The following LIPF variants were observed in gnomAD, a reference collection of about 807,000 sequenced individuals.
LIPF encodes lipase F, gastric type.
Under a neutral mutation model 38.0 loss-of-function variants are expected in LIPF, and 25 were observed. That is an observed-to-expected ratio of 0.66 (90% CI 0.48 to 0.92). The LOEUF is 0.92. Ranked by LOEUF, LIPF falls within the 40% of genes least tolerant of loss-of-function variation. The probability of loss-of-function intolerance (pLI) is 0.00; values close to 1 mark genes in which losing one functional copy is unlikely to be tolerated. For synonymous variants in LIPF, 161 were observed against 156.2 expected (o/e 1.03, Z -0.23); for missense variants, 410 against 469.9 (o/e 0.87, Z 1.18).
At chr10:88,665,737 A>ATTTTTTTTTTTTTTTTTTTTTT (rs68081693) in intron 1 of LIPF, among the ~76,000 whole-genome samples, 9 of 100,242 alleles carry the variant, frequency 9.0e-5, no homozygotes, top group Admixed American at 2.5e-4. Context: ...TTAAAAACTG[A>ATTTTTTTTTTTTTTTTTTTTTT]TTTTTTTTTT....
Position 88,667,655 on chromosome 10 carries a change from T to A in LIPF, c.192T>A (p.Ile64=). 1 of 1,562,894 alleles carries A rather than the reference T, an allele frequency of 6.4e-7. No homozygotes were observed. Among genetic ancestry groups the A allele is most frequent in the Middle Eastern group, 1.7e-4 (1 of 5,890 alleles). ...EDGYILEVNR[I]PYGKKNSGNT... ...GTTATATTCTTGAAGTCAATAGAAT[T>A]CCTTATGGGAAGAAAAATTCAGGGA... The change falls in exon 3 of 10, where the codon ATT becomes ATA. Residue 64 remains isoleucine, a synonymous_variant. Coordinates refer to ENST00000238983, the MANE Select transcript of LIPF (RefSeq NM_004190.4).
In LIPF at chr10:88,673,589, T is replaced by A. The variant is rs200788930; in HGVS notation, c.671T>A (p.Phe224Tyr). The change falls in exon 7 of 10, where the codon TTT becomes TAT. Residue 224 changes from phenylalanine to tyrosine, a missense_variant and splice_region_variant. Physicochemically the swap from Phe to Tyr is conservative, Grantham distance 22 (BLOSUM62 3). Transcript: ENST00000238983. ...TCTAATAGTGCCTTTATTTTTCAGT[T>A]TATATTTGGTGACAAAATATTCTAC... ...LRFVPQSLFK[F>Y]IFGDKIFYPH... 40 of 1,607,696 alleles carry A rather than the reference T, an allele frequency of 2.5e-5. No homozygotes were observed. The African/African-American group carries it at 4.8e-4, about 19-fold the overall frequency.
Position 88,668,574 on chromosome 10 carries a change from G to A in LIPF, c.240G>A (p.Val80=). The A allele has an allele frequency of 6.2e-7, 1 of 1,614,152 alleles. No individual in the cohort carries two copies. Among genetic ancestry groups the A allele is most frequent in the Non-Finnish European group, 8.5e-7 (1 of 1,179,988 alleles). Residue 80 remains valine (V), a synonymous_variant, in exon 4 of 10, where the codon GTG becomes GTA. Coordinates refer to ENST00000238983, the MANE Select transcript of LIPF (RefSeq NM_004190.4). ...NSGNTGQRPV[V]FLQHGLLASA... ...CTTCCTTAGGCCAGAGACCTGTTGT[G>A]TTTTTGCAGCATGGTTTGCTTGCAT...
rs370239732 is a variant in LIPF, at chr10:88,671,969, T to C, written c.669+4T>C. 122 of 1,603,662 alleles carry C rather than the reference T, an allele frequency of 7.6e-5. No individual in the cohort carries two copies. The highest frequency in any genetic ancestry group is 1.0e-4 in the Non-Finnish European group (119 of 1,176,162). ...TGTTCCTCAATCCCTCTTCAAGGTA[T>C]GCAATTCTCTTTAATTAAGTGAATC... On this transcript the variant is annotated splice_donor_region_variant and intron_variant, in intron 6 of 9. Transcript: ENST00000238983.
chr10:88,674,905 T>A (rs567861385), intron 7 of LIPF, among the ~76,000 whole-genome samples: 2 of 152,324 alleles, frequency 1.3e-5, no homozygotes, highest in East Asian at 3.9e-4. Context: ...TAGCCTGTCC[T>A]CATCACACGA....
At position 88,668,621 on chromosome 10, in the gene LIPF, A is replaced by G; in HGVS notation, c.287A>G (p.Asn96Ser). 4.3e-6 allele frequency: 7 copies of G among 1,614,178 alleles called. No homozygotes were observed. Among genetic ancestry groups the G allele is most frequent in the Non-Finnish European group, 5.9e-6 (7 of 1,180,010 alleles). ...LLASATNWIS[N>S]LPNNSLAFIL... ...GCATCAGCCACAAACTGGATTTCCA[A>G]CCTGCCGAACAACAGCCTTGCCTTC... Residue 96 changes from asparagine (N) to serine (S), a missense_variant, in exon 4 of 10, where the codon AAC becomes AGC. Physicochemically the swap from Asn to Ser is conservative, Grantham distance 46. Transcript: ENST00000238983.
At position 88,669,856 on chromosome 10, in the gene LIPF, T is replaced by A. The variant is rs1400986369; in HGVS notation, c.442T>A (p.Tyr148Asn). 2 of 1,612,166 alleles carry A rather than the reference T, an allele frequency of 1.2e-6. No homozygotes were observed. Among genetic ancestry groups the A allele is most frequent in the Admixed American group, 1.7e-5 (1 of 59,920 alleles). The change falls in exon 5 of 10, where the codon TAT becomes AAT. Residue 148 changes from tyrosine (Y) to asparagine (N), a missense_variant. By Grantham distance (143) the Tyr-to-Asn change is moderately radical. Transcript: ENST00000238983. ...WAFSFDEMAK[Y>N]DLPATIDFIV... ...TTTCAGCTTTGATGAAATGGCTAAA[T>A]ATGACCTTCCAGCCACAATCGACTT...
intron 6 of LIPF, 75 bp downstream of exon 6, chr10:88,672,040 C>A: frequency 1.5e-6 from 2 of 1,333,802 alleles, no homozygotes; most frequent in Non-Finnish European, 2.0e-6. Flanking sequence ...AGAAAGAGAA[C>A]AGAGTTATAA....
rs1841550383 is a variant in LIPF at position 88,668,670 on chromosome 10, T to A, written c.336T>A (p.Asp112Glu). The part of the protein sequence containing the change: ...LAFILADAGY[D>E]VWLGNSRGNT... ...TCATTCTGGCAGATGCTGGTTATGATGTGTGGCTGGGCAACAGCAGAGGAA... is the reference window on the plus strand; with the variant it reads ...TCATTCTGGCAGATGCTGGTTATGAAGTGTGGCTGGGCAACAGCAGAGGAA... Residue 112 changes from aspartate to glutamate, a missense_variant, in exon 4 of 10, where the codon GAT becomes GAA. By Grantham distance (45) the Asp-to-Glu change is conservative. Transcript: ENST00000238983. 15 of 1,614,206 alleles carry A rather than the reference T, an allele frequency of 9.3e-6. No homozygotes were observed. Among genetic ancestry groups the A allele is most frequent in the Non-Finnish European group, 1.2e-5 (14 of 1,180,004 alleles).
At chr10:88,671,388 T>G (rs973642554) in intron 5 of LIPF, among the ~76,000 whole-genome samples, 3 of 152,170 alleles carry the variant, frequency 2.0e-5, no homozygotes, top group Non-Finnish European at 2.9e-5. Context: ...GAGCCAGGAT[T>G]CAAATTGAGT....
Position 88,667,363 on chromosome 10 carries a change from A to C in LIPF, c.66A>C (p.Gly22=), listed in dbSNP as rs1490636986. The C allele has an allele frequency of 6.2e-7, 1 of 1,612,312 alleles. No homozygotes were observed. The highest frequency in any genetic ancestry group is 1.6e-4 in the Middle Eastern group (1 of 6,078). The change falls in exon 2 of 10, where the codon GGA becomes GGC. Residue 22 remains glycine, a synonymous_variant. Coordinates refer to ENST00000238983, the MANE Select transcript of LIPF (RefSeq NM_004190.4). ...SVLGTTHGLF[G]KLHPGSPEVT... ...TGGGGACTACACATGGTTTGTTTGG[A>C]AAATTACATCCTGGAAGCCCTGAAG...
chr10:88,669,315 C>T (rs1423364788), intron 4 of LIPF: 1 of 158,056 alleles, frequency 6.3e-6, no homozygotes, highest in Admixed American at 6.0e-5. Flanking sequence ...ACCTGTGTGT[C>T]CCAGGTGTAG....
Position 88,668,585 on chromosome 10 carries a change from A to G in LIPF, c.251A>G (p.His84Arg), listed in dbSNP as rs147291672. 3 of 1,614,170 alleles carry G rather than the reference A, an allele frequency of 1.9e-6. No individual in the cohort carries two copies. The highest frequency in any genetic ancestry group is 2.5e-6 in the Non-Finnish European group (3 of 1,179,996). The change falls in exon 4 of 10, where the codon CAT becomes CGT. Residue 84 changes from histidine to arginine, a missense_variant. Coordinates refer to ENST00000238983, the MANE Select transcript of LIPF (RefSeq NM_004190.4). ...CAGAGACCTGTTGTGTTTTTGCAGC[A>G]TGGTTTGCTTGCATCAGCCACAAAC... ...TGQRPVVFLQ[H>R]GLLASATNWI...
intron 6 of LIPF, among the ~76,000 whole-genome samples, chr10:88,672,678 T>A (rs983029727): frequency 5.5e-4 from 82 of 150,422 alleles, no homozygotes; most frequent in African/African-American, 1.5e-3. Context: ...ACACTCTCTC[T>A]CTCTCTCTCT....
At chr10:88,669,802 A>G (rs776370792) in intron 4 of LIPF, 35 bp from the exon 5 acceptor site, 13 of 1,388,882 alleles carry the variant, frequency 9.4e-6, no homozygotes, top group Non-Finnish European at 1.3e-5. Flanking sequence ...TAGCAAGGAA[A>G]TGTATTCACT....
Position 88,675,740 on chromosome 10 carries a change from C to G in LIPF, c.888+83C>G, listed in dbSNP as rs151165101. On this transcript the variant is annotated intron_variant, in intron 8 of 9. Coordinates refer to ENST00000238983, the MANE Select transcript of LIPF (RefSeq NM_004190.4). Reference sequence around the variant, plus strand: ...TACCTAAACACATTCTTAAAATATCCTGCTGAGTACACCTGGAAGGTAATT... The same window carrying G: ...TACCTAAACACATTCTTAAAATATCGTGCTGAGTACACCTGGAAGGTAATT... 9.7e-5 allele frequency: 91 copies of G among 939,182 alleles called. No individual in the cohort carries two copies. In the African/African-American group the frequency reaches 1.3e-3, roughly 13 times the overall value. 58.2% of individuals were successfully genotyped at this position (939,182 alleles called of 1,614,324 possible). A position where few individuals can be genotyped will look rare whatever the true frequency, so the allele number is the denominator to read the frequency against.
At chr10:88,672,681 C>CTT (rs1196448571) in intron 6 of LIPF, among the ~76,000 whole-genome samples, 2 of 151,494 alleles carry the variant, frequency 1.3e-5, no homozygotes, top group Admixed American at 6.6e-5. Context: ...CTCTCTCTCT[C>CTT]TCTCTCTCTC....
In LIPF at chr10:88,669,956, G is replaced by T; in HGVS notation, c.532+10G>T. ...CAGGGCACCACCATTGGTAAGTAAT[G>T]GCAGTCAAGGCCAAGTGGTTTACTT... On this transcript the variant is annotated intron_variant, in intron 5 of 9. Coordinates refer to ENST00000238983, the MANE Select transcript of LIPF (RefSeq NM_004190.4). 6.5e-7 allele frequency: 1 copy of T among 1,549,086 alleles called. No homozygotes were observed. Among genetic ancestry groups the T allele is most frequent in the South Asian group, 1.1e-5 (1 of 88,560 alleles).
At chr10:88,669,990 C>A in intron 5 of LIPF, 44 bp downstream of exon 5, 1 of 1,291,742 alleles carries the variant, frequency 7.7e-7, no homozygotes, top group Non-Finnish European at 1.1e-6. Context: ...TTCTCATAAA[C>A]ACTTTCCCAG....
Sources: gnomAD v4.1 joint callset for allele counts (sites outside exome capture counted in the v4.1 genomes callset) on GRCh38, gnomAD v4.1.1 for gene constraint, MANE v1.5 for transcripts, NCBI Gene and HGNC (gene_info 2026-07-23, HGNC 2026-07-21) for gene names.